Variants in TMEM273 observed in about 807,000 individuals in gnomAD.
TMEM273 encodes the protein chromosome 10 open reading frame 128.
TMEM273 carries 19 observed loss-of-function variants against 17.9 expected under a neutral mutation model. That is an observed-to-expected ratio of 1.06 (90% confidence interval 0.74 to 1.55). The LOEUF (loss-of-function observed/expected upper bound fraction) is 1.55. Ranked by LOEUF, TMEM273 falls within the 40% of genes most tolerant of loss-of-function variation. The pLI is 0.00. For missense variants in TMEM273, 194 were observed against 155.6 expected, an observed-to-expected ratio of 1.25 and a Z score of -1.31; for synonymous variants, 66 against 62.0, an observed-to-expected ratio of 1.07 and a Z score of -0.31.
intron 1 of TMEM273, among the ~76,000 whole-genome samples, chr10:49,172,183 A>G (rs1305531310): frequency 6.6e-6 from 1 of 152,164 alleles, no homozygotes; most frequent in African/African-American, 2.4e-5. Context: ...AGGCTTCCTT[A>G]TTCTCCTAAC....
chr10:49,163,304 T>TGA (rs528200016), intron 5 of TMEM273, among the ~76,000 whole-genome samples: 35,575 of 149,612 alleles, frequency 0.24, 4,295 homozygotes, highest in Admixed American at 0.32. Context: ...TGTGTGTGTG[T>TGA]GTGAGAGAGA....
intron 1 of TMEM273, among the ~76,000 whole-genome samples, chr10:49,174,503 A>AC (rs772474548): frequency 4.4e-4 from 67 of 152,100 alleles, no homozygotes; most frequent in Non-Finnish European, 7.6e-4. Flanking sequence ...CCCATCTCAA[A>AC]CCCCGGAACC....
At chr10:49,173,882 C>T (rs1193515514) in intron 1 of TMEM273, among the ~76,000 whole-genome samples, 3 of 152,178 alleles carry the variant, frequency 2.0e-5, no homozygotes, top group African/African-American at 7.2e-5. Context: ...TAGCGTTTCC[C>T]CTGTGGCTCT....
At position 49,178,331 on chromosome 10, in the gene TMEM273, G is replaced by A. The variant is rs140194120; in HGVS notation, c.43+9963C>T. The A allele has an allele frequency of 2.4e-3, 1,096 of 456,592 alleles. 11 individuals carry two copies. The highest frequency in any genetic ancestry group is 0.02 in the African/African-American group (987 of 50,152). 28.3% of individuals were successfully genotyped at this position (456,592 alleles called of 1,614,324 possible). ...GCTCCAGAGGCTGATGTTCCACTTC[G>A]GGCAATAATTGACTCAAACAAGTGC... is the stretch of plus-strand genomic sequence containing the variant. On this transcript the variant is annotated intron_variant, in intron 1 of 6. Transcript: ENST00000374153.
intron 6 of TMEM273, 148 bp downstream of exon 6, chr10:49,161,451 G>A (rs1845834960): frequency 1.1e-6 from 1 of 918,588 alleles, no homozygotes. Flanking sequence ...TCTCACAGCT[G>A]TCCTGGCATG....
In TMEM273 at chr10:49,166,991, A is replaced by G; in HGVS notation, c.116T>C (p.Ile39Thr). 6.2e-7 allele frequency: 1 copy of G among 1,614,164 alleles called. No homozygotes were observed. Among genetic ancestry groups the G allele is most frequent in the African/African-American group, 1.3e-5 (1 of 75,074 alleles). Residue 39 changes from isoleucine (I) to threonine (T), a missense_variant, in exon 3 of 7, where the codon ATC (isoleucine) becomes ACC (threonine). Coordinates refer to ENST00000374153, the MANE Select transcript of TMEM273 (RefSeq NM_001288740.3). ...GAEIDFKYALIGTAVGVAISA... is the reference protein window; with the variant it reads ...GAEIDFKYALTGTAVGVAISA... ...TATGGCGACACCCACAGCAGTCCCG[A>G]TGAGGGCGTACTTGAAATCTGAAAC...
chr10:49,168,161 C>T (rs1194493729), intron 1 of TMEM273, among the ~76,000 whole-genome samples, 199 bp from the exon 2 acceptor site: 1 of 152,154 alleles, frequency 6.6e-6, no homozygotes, highest in Non-Finnish European at 1.5e-5. Context: ...AACGCGTCTC[C>T]ACCCAATGCA....
chr10:49,187,861 C>G (rs952930100), intron 1 of TMEM273, among the ~76,000 whole-genome samples: 1 of 152,150 alleles, frequency 6.6e-6, no homozygotes, highest in Non-Finnish European at 1.5e-5. Flanking sequence ...TATCTACATG[C>G]CTACATGTTC....
At chr10:49,167,298 C>A (rs914880430) in intron 2 of TMEM273, among the ~76,000 whole-genome samples, 1 of 152,232 alleles carries the variant, frequency 6.6e-6, no homozygotes, top group African/African-American at 2.4e-5. Context: ...ACCTGAGCCT[C>A]CTAGCCCTTC....
At chr10:49,160,574 CA>C (rs1845781231) in intron 6 of TMEM273, 1 of 151,724 alleles carries the variant, frequency 6.6e-6, no homozygotes, top group Non-Finnish European at 1.5e-5. Flanking sequence ...AAAAATAGAG[CA>C]ATAAAAGATA....
At chr10:49,168,524 A>G (rs919668806) in intron 1 of TMEM273, among the ~76,000 whole-genome samples, 9 of 152,148 alleles carry the variant, frequency 5.9e-5, no homozygotes, top group African/African-American at 2.2e-4. Context: ...TCCAGGCTCC[A>G]TCCTAAAAGC....
chr10:49,163,458 G>C lies in TMEM273; in HGVS notation c.348+1747C>G, dbSNP rs142868949. Among the ~76,000 whole-genome samples, 1,494 of 152,240 alleles carry C rather than the reference G, an allele frequency of 9.8e-3. 54 individuals are homozygous for C. In the South Asian group the frequency reaches 0.11, roughly 12 times the overall value. On this transcript the variant is annotated intron_variant, in intron 5 of 6. Transcript: ENST00000374153. ...ACGTGACATGGCCAGCAAGAGGAGT[G>C]CTGTGTGGCCACCGGGGCCTGGACA...
chr10:49,183,369 G>T (rs186738720), intron 1 of TMEM273, among the ~76,000 whole-genome samples: 282 of 152,002 alleles, frequency 1.9e-3, no homozygotes, highest in African/African-American at 6.6e-3. Flanking sequence ...GTGTGTGTGT[G>T]TGTGTGTGTA....
chr10:49,161,583 C>G lies in TMEM273; in HGVS notation c.372+16G>C. The G allele has an allele frequency of 1.2e-6, 2 of 1,614,240 alleles. No homozygotes were observed. The highest frequency in any genetic ancestry group is 1.7e-6 in the Non-Finnish European group (2 of 1,180,024). ...CTGTCCTCCTTTTAAGACAAGTGAT[C>G]ACTCTTACAACTCACCTTTTGGAGA... On this transcript the variant is annotated intron_variant, in intron 6 of 6. Coordinates refer to ENST00000374153, the MANE Select transcript of TMEM273 (RefSeq NM_001288740.3).
At chr10:49,163,872 C>A (rs1564624044) in intron 5 of TMEM273, among the ~76,000 whole-genome samples, 1 of 152,184 alleles carries the variant, frequency 6.6e-6, no homozygotes, top group Non-Finnish European at 1.5e-5. Flanking sequence ...CCATGTCCAG[C>A]TCATCCCAAG....
At chr10:49,163,787 T>C (rs974238967) in intron 5 of TMEM273, among the ~76,000 whole-genome samples, 1 of 152,016 alleles carries the variant, frequency 6.6e-6, no homozygotes, top group Admixed American at 6.6e-5. Flanking sequence ...TGCTTCACAA[T>C]CAGAAACCAC....
chr10:49,164,937 C>T (rs78323362), intron 5 of TMEM273, among the ~76,000 whole-genome samples: 25 of 152,282 alleles, frequency 1.6e-4, no homozygotes, highest in African/African-American at 5.8e-4. Context: ...CCCCCAGCAC[C>T]TAGCCCATGG....
intron 1 of TMEM273, among the ~76,000 whole-genome samples, chr10:49,170,772 C>G (rs1846510422): frequency 1.3e-5 from 2 of 152,202 alleles, no homozygotes; most frequent in African/African-American, 4.8e-5. Context: ...GGAGCTGTGA[C>G]TCTACACACT....
intron 5 of TMEM273, among the ~76,000 whole-genome samples, 163 bp downstream of exon 5, chr10:49,165,042 A>G (rs1846080359): frequency 6.6e-6 from 1 of 152,184 alleles, no homozygotes; most frequent in Non-Finnish European, 1.5e-5. Context: ...CAGAAGTGAA[A>G]AGGAAGACCC....
Sources: gnomAD v4.1 joint callset for allele counts (sites outside exome capture counted in the v4.1 genomes callset) on GRCh38, gnomAD v4.1.1 for gene constraint, MANE v1.5 for transcripts, NCBI Gene and HGNC (gene_info 2026-07-23, HGNC 2026-07-21) for gene names.